Variants in WWOX observed in about 807,000 individuals in gnomAD.
WWOX encodes WW domain-containing oxidoreductase.
WWOX carries 69 observed loss-of-function variants against 46.2 expected under a neutral mutation model. That is an observed-to-expected ratio of 1.49 (90% CI 1.23 to 1.82). The LOEUF (loss-of-function observed/expected upper bound fraction) is 1.82, where lower values mean the gene tolerates loss of function less well. Among genes scored for constraint, WWOX ranks in the 40% most tolerant of loss-of-function variants. The probability of loss-of-function intolerance (pLI) is 0.00; values close to 1 mark genes in which losing one functional copy is unlikely to be tolerated. For missense variants in WWOX, 919 were observed against 542.6 expected, an observed-to-expected ratio of 1.69 and a Z score of -6.89; for synonymous variants, 359 against 202.6, an observed-to-expected ratio of 1.77 and a Z score of -6.56.
intron 8 of WWOX, among the ~76,000 whole-genome samples, chr16:79,052,217 G>A (rs544006122): frequency 2.3e-4 from 34 of 145,734 alleles, no homozygotes; most frequent in Non-Finnish European, 4.0e-4. Context: ...AGTCCCCAGA[G>A]TGTGATATTC....
intron 8 of WWOX, among the ~76,000 whole-genome samples, chr16:79,128,783 G>A (rs548850165): frequency 1.3e-3 from 201 of 152,280 alleles, no homozygotes; most frequent in African/African-American, 4.6e-3. Context: ...TAACAGAGCC[G>A]GGGGCGGAGG....
chr16:78,425,983 G>C (rs1023503119), intron 7 of WWOX, among the ~76,000 whole-genome samples: 1 of 152,128 alleles, frequency 6.6e-6, no homozygotes, highest in East Asian at 1.9e-4. Context: ...GGAAGAGAGA[G>C]ACCAGCCAAG....
At chr16:78,241,557 G>A (rs2037649686) in intron 5 of WWOX, among the ~76,000 whole-genome samples, 1 of 152,088 alleles carries the variant, frequency 6.6e-6, no homozygotes. Flanking sequence ...TCCTGCCTTA[G>A]GCTCCTGAGT....
intron 6 of WWOX, among the ~76,000 whole-genome samples, chr16:78,422,682 T>TATATATATATATATATATATATATATAC (rs2082963498): frequency 2.7e-5 from 2 of 74,444 alleles, no homozygotes; most frequent in Non-Finnish European, 4.8e-5. Context: ...TATATATATA[T>TATATATATATATATATATATATATATAC]ATACACACAC....
At chr16:78,481,262 G>C (rs1485958371) in intron 8 of WWOX, among the ~76,000 whole-genome samples, 1 of 152,122 alleles carries the variant, frequency 6.6e-6, no homozygotes, top group Non-Finnish European at 1.5e-5. Flanking sequence ...ATCAACTCAA[G>C]ACAGTTCAAA....
chr16:78,925,619 T>C (rs1263366216), intron 8 of WWOX, among the ~76,000 whole-genome samples: 2 of 152,222 alleles, frequency 1.3e-5, no homozygotes, highest in African/African-American at 2.4e-5. Flanking sequence ...AATATATTTC[T>C]GCTTCGTCAA....
chr16:78,120,059 C>G (rs555836743), intron 4 of WWOX, among the ~76,000 whole-genome samples: 13 of 152,054 alleles, frequency 8.5e-5, no homozygotes, highest in African/African-American at 3.1e-4. Context: ...CAAATACAAG[C>G]TGGCCACACT....
At chr16:78,317,312 TCTCA>T (rs2080375166) in intron 5 of WWOX, among the ~76,000 whole-genome samples, 1 of 152,196 alleles carries the variant, frequency 6.6e-6, no homozygotes, top group African/African-American at 2.4e-5. Flanking sequence ...TTTCTGTCTC[TCTCA>T]CTCACATTTT....
In WWOX at chr16:79,212,577, A is replaced by T. The variant is rs118128947; in HGVS notation, c.*781A>T. The T allele has an allele frequency of 2.2e-4, 36 of 163,628 alleles. No homozygotes were observed. In the East Asian group the frequency reaches 5.3e-3, roughly 24 times the overall value. The allele number at this position is 163,628 out of a possible 1,614,324, so 10.1% of individuals were successfully genotyped here. On this transcript the variant is annotated 3_prime_UTR_variant, in exon 9 of 9. Coordinates refer to ENST00000566780, the MANE Select transcript of WWOX (RefSeq NM_016373.4). ...TAGTTAATCCCTTTGTCTGTCAATC[A>T]CAGTCTCAGTTCTCTTGCTTTCACA...
intron 5 of WWOX, among the ~76,000 whole-genome samples, chr16:78,185,984 C>G (rs547489234): frequency 6.6e-6 from 1 of 152,082 alleles, no homozygotes; most frequent in Non-Finnish European, 1.5e-5. Flanking sequence ...ACTTTAACAG[C>G]AACTTAAAGG....
intron 8 of WWOX, among the ~76,000 whole-genome samples, chr16:78,542,177 CAG>C (rs3041552): frequency 0.59 from 89,374 of 151,644 alleles, 30,507 homozygotes; most frequent in East Asian, 0.83. Flanking sequence ...GTTAAGCTAA[CAG>C]AAATTGTTCA....
chr16:78,471,357 C>T (rs369235378), intron 8 of WWOX, among the ~76,000 whole-genome samples: 1 of 152,214 alleles, frequency 6.6e-6, no homozygotes, highest in East Asian at 1.9e-4. Context: ...TAACAGGCAT[C>T]TCTCACCTCA....
chr16:78,634,957 G>T (rs886233177), intron 8 of WWOX, among the ~76,000 whole-genome samples: 5 of 151,872 alleles, frequency 3.3e-5, no homozygotes, highest in African/African-American at 1.2e-4. Context: ...AAAGGGTCCA[G>T]AGCAGTAAAG....
chr16:78,572,450 C>G (rs1351942414), intron 8 of WWOX, among the ~76,000 whole-genome samples: 2 of 151,640 alleles, frequency 1.3e-5, no homozygotes, highest in African/African-American at 4.8e-5. Flanking sequence ...CAAAAATTAG[C>G]CAGTGTGGTA....
At chr16:78,950,079 G>T (rs2151300929) in intron 8 of WWOX, among the ~76,000 whole-genome samples, 1 of 152,326 alleles carries the variant, frequency 6.6e-6, no homozygotes, top group East Asian at 1.9e-4. Flanking sequence ...GATGATACCA[G>T]AGACCAAGTT....
chr16:79,065,361 G>C (rs1027544542), intron 8 of WWOX, among the ~76,000 whole-genome samples: 18 of 152,162 alleles, frequency 1.2e-4, no homozygotes, highest in African/African-American at 4.1e-4. Flanking sequence ...TTGGAGGCTA[G>C]TGTTCTTCCA....
At chr16:78,262,855 T>C (rs535490832) in intron 5 of WWOX, among the ~76,000 whole-genome samples, 1 of 152,250 alleles carries the variant, frequency 6.6e-6, no homozygotes, top group Admixed American at 6.5e-5. Context: ...ACTCTGTTGA[T>C]CATAAAAGTA....
At chr16:78,131,582 G>GT (rs570428535) in intron 4 of WWOX, among the ~76,000 whole-genome samples, 116 of 148,642 alleles carry the variant, frequency 7.8e-4, no homozygotes, top group East Asian at 2.2e-3. Context: ...ATACTAAAAT[G>GT]TTTTTTTTTT....
chr16:78,890,368 C>T (rs1383518460), intron 8 of WWOX: 1 of 152,240 alleles, frequency 6.6e-6, no homozygotes, highest in East Asian at 1.9e-4. Context: ...CTCCATCATT[C>T]TTAAATTTGA....
Sources: allele counts gnomAD v4.1 joint callset (sites outside exome capture counted in the v4.1 genomes callset), GRCh38; gene constraint gnomAD v4.1.1; transcripts MANE v1.5; gene names NCBI Gene and HGNC (gene_info 2026-07-23, HGNC 2026-07-21).